Variants in DAP observed in about 807,000 individuals in gnomAD.
The protein encoded by DAP is death associated protein.
A neutral mutation model predicts 13.8 loss-of-function variants in DAP; 8 were observed. The ratio of observed to expected loss-of-function variants is 0.58; its 90% confidence interval spans 0.34 to 1.05. The LOEUF (loss-of-function observed/expected upper bound fraction) is 1.05. Among genes scored for constraint, DAP ranks in the 50% least tolerant of loss-of-function variants. DAP has a pLI of 0.03. For missense variants in DAP, 106 were observed against 133.2 expected, an observed-to-expected ratio of 0.80 and a Z score of 1.01; for synonymous variants, 47 against 47.5, an observed-to-expected ratio of 0.99 and a Z score of 0.04.
At chr5:10,726,304 T>A (rs369924620) in intron 2 of DAP, among the ~76,000 whole-genome samples, 10 of 152,366 alleles carry the variant, frequency 6.6e-5, no homozygotes, top group African/African-American at 2.4e-4. Context: ...TGTTCATACA[T>A]TTCTGAAATG....
chr5:10,698,113 G>A (rs949969229), intron 2 of DAP, among the ~76,000 whole-genome samples: 1 of 151,856 alleles, frequency 6.6e-6, no homozygotes, highest in Non-Finnish European at 1.5e-5. Flanking sequence ...GAGTTGGTGA[G>A]CTGAGAGCAC....
chr5:10,760,045 G>A (rs1740300755), intron 1 of DAP, among the ~76,000 whole-genome samples: 1 of 152,070 alleles, frequency 6.6e-6, no homozygotes, highest in African/African-American at 2.4e-5. Flanking sequence ...ATGAGCCACC[G>A]CGCCTGGCCA....
chr5:10,701,291 C>G (rs1738569694), intron 2 of DAP, among the ~76,000 whole-genome samples: 1 of 152,208 alleles, frequency 6.6e-6, no homozygotes, highest in South Asian at 2.1e-4. Context: ...TAACTCACAA[C>G]ACCGATTTAA....
chr5:10,705,653 T>C (rs985056535), intron 2 of DAP, among the ~76,000 whole-genome samples: 1 of 152,234 alleles, frequency 6.6e-6, no homozygotes, highest in Admixed American at 6.5e-5. Context: ...AGAACTCAAC[T>C]TTGGTCTAAG....
At chr5:10,742,505 C>T (rs1739787035) in intron 2 of DAP, among the ~76,000 whole-genome samples, 1 of 152,162 alleles carries the variant, frequency 6.6e-6, no homozygotes, top group Non-Finnish European at 1.5e-5. Context: ...CCAGCATGGG[C>T]AACAAGAGTG....
chr5:10,717,118 T>C (rs1462360889), intron 2 of DAP, among the ~76,000 whole-genome samples: 1 of 152,216 alleles, frequency 6.6e-6, no homozygotes, highest in Non-Finnish European at 1.5e-5. Flanking sequence ...CCAAGGAACA[T>C]AATGCAGCTT....
intron 2 of DAP, among the ~76,000 whole-genome samples, chr5:10,686,040 A>G (rs908301730): frequency 3.3e-5 from 5 of 152,228 alleles, no homozygotes; most frequent in African/African-American, 1.2e-4. Flanking sequence ...AAGCAAGTCT[A>G]TGGGTGTCCA....
chr5:10,679,489 T>C lies in DAP; in HGVS notation c.*1567A>G, dbSNP rs891838484. On this transcript the variant is annotated 3_prime_UTR_variant, in exon 4 of 4. Coordinates refer to ENST00000230895, the MANE Select transcript of DAP (RefSeq NM_004394.3). ...CTGCACAGGCCTGACCTGGTGTTGC[T>C]GGAGCGCGGCATCCCCTCCTGGGTG... is the stretch of plus-strand genomic sequence containing the variant. 1.3e-5 allele frequency: 2 copies of C among 152,428 alleles called. No homozygotes were observed. Among genetic ancestry groups the C allele is most frequent in the Admixed American group, 1.3e-4 (2 of 15,288 alleles). 9.4% of individuals were successfully genotyped at this position (152,428 alleles called of 1,614,324 possible).
Position 10,681,830 on chromosome 5 carries a change from C to T in DAP, c.196-661G>A, listed in dbSNP as rs187801274. ...CGGTTGTATAAGAGGAAGCTCCAGG[C>T]CAGCACCCACCAGCGTTCCTACAGG... On this transcript the variant is annotated intron_variant, in intron 3 of 3. Coordinates refer to ENST00000230895, the MANE Select transcript of DAP (RefSeq NM_004394.3). Among the ~76,000 whole-genome samples, 504 of 151,380 alleles carry T rather than the reference C, an allele frequency of 3.3e-3. 4 individuals are homozygous for T. Among genetic ancestry groups the T allele is most frequent in the Middle Eastern group, 0.014 (4 of 294 alleles).
chr5:10,760,952 G>A, intron 1 of DAP, 62 bp downstream of exon 1: 2 of 1,087,922 alleles, frequency 1.8e-6, no homozygotes, highest in Non-Finnish European at 2.3e-6. Context: ...CCCGCCCGGC[G>A]CCCCCGGGTT....
chr5:10,737,356 C>A (rs267961), intron 2 of DAP, among the ~76,000 whole-genome samples: 126,952 of 142,546 alleles, frequency 0.89, 56,448 homozygotes, highest in Non-Finnish European at 0.94. Flanking sequence ...AAAAAAAAAA[C>A]AAAAACAAAA....
At chr5:10,748,331 G>C in intron 1 of DAP, 60 bp from the exon 2 acceptor site, 1 of 1,437,200 alleles carries the variant, frequency 7.0e-7, no homozygotes, top group East Asian at 2.3e-5. Context: ...GTGGATCAGG[G>C]GGACCAGCTG....
Position 10,761,087 on chromosome 5 carries a change from C to A in DAP, c.-19G>T, listed in dbSNP as rs1449270748. ...AAGACATGACGCGGCGGGGCTTCCG[C>A]GGGGCCGAGGCGGCGGCGCGGTTCT... On this transcript the variant is annotated 5_prime_UTR_variant, in exon 1 of 4. Coordinates refer to ENST00000230895, the MANE Select transcript of DAP (RefSeq NM_004394.3). 3.7e-5 allele frequency: 44 copies of A among 1,204,416 alleles called. No individual in the cohort carries two copies. The highest frequency in any genetic ancestry group is 4.6e-5 in the Non-Finnish European group (44 of 958,596). The allele number at this position is 1,204,416 out of a possible 1,614,324, so 74.6% of individuals were successfully genotyped here.
chr5:10,722,363 G>A (rs1739162979), intron 2 of DAP, among the ~76,000 whole-genome samples: 1 of 151,954 alleles, frequency 6.6e-6, no homozygotes, highest in South Asian at 2.1e-4. Flanking sequence ...TCCTGCCCTC[G>A]AACATCGGAC....
At chr5:10,718,302 G>A (rs968645432) in intron 2 of DAP, among the ~76,000 whole-genome samples, 4 of 152,088 alleles carry the variant, frequency 2.6e-5, no homozygotes, top group African/African-American at 9.7e-5. Flanking sequence ...GGTCCAGCGG[G>A]TCCCTGGACT....
chr5:10,736,893 T>C (rs1408086446), intron 2 of DAP, among the ~76,000 whole-genome samples: 1 of 152,222 alleles, frequency 6.6e-6, no homozygotes, highest in African/African-American at 2.4e-5. Context: ...GACAACCAGT[T>C]ACCCCCTCAA....
chr5:10,737,506 A>C (rs1208940690), intron 2 of DAP, among the ~76,000 whole-genome samples: 1 of 152,166 alleles, frequency 6.6e-6, no homozygotes, highest in Admixed American at 6.5e-5. Flanking sequence ...ACTAGCCTGG[A>C]TATAAAAGGT....
chr5:10,688,527 T>C (rs893556511), intron 2 of DAP, among the ~76,000 whole-genome samples: 7 of 152,182 alleles, frequency 4.6e-5, no homozygotes, highest in Non-Finnish European at 8.8e-5. Flanking sequence ...TTTGCTTTAT[T>C]ATGGTGGCCT....
In DAP at chr5:10,749,743, C is replaced by CTT. The variant is rs34643253; in HGVS notation, c.56-1474_56-1473dup. On this transcript the variant is annotated intron_variant, in intron 1 of 3. Transcript: ENST00000230895. ...CTCCCCAGCCTATCTGACCACACAA[C>CTT]TTTTTTTTTTTTTTTTTTTTTGGCT... is the stretch of plus-strand genomic sequence containing the variant. Among the ~76,000 whole-genome samples, 773 of 118,546 alleles carry CTT rather than the reference C, an allele frequency of 6.5e-3. 7 individuals are homozygous for CTT. The highest frequency in any genetic ancestry group is 0.01 in the Non-Finnish European group (591 of 58,474). 77.8% of individuals were successfully genotyped at this position (118,546 alleles called of 152,430 possible). A position where few individuals can be genotyped will look rare whatever the true frequency, so the allele number is the denominator to read the frequency against.
Sources: gnomAD v4.1 joint callset for allele counts (sites outside exome capture counted in the v4.1 genomes callset) on GRCh38, gnomAD v4.1.1 for gene constraint, MANE v1.5 for transcripts, NCBI Gene and HGNC (gene_info 2026-07-23, HGNC 2026-07-21) for gene names.